Variants in MAP7 observed in about 807,000 individuals in gnomAD.
The protein encoded by MAP7 is microtubule associated protein 7.
MAP7 carries 52 observed loss-of-function variants against 94.8 expected under a neutral mutation model. The observed-to-expected ratio is 0.55, with a 90% CI of 0.44 to 0.69. The LOEUF (loss-of-function observed/expected upper bound fraction) is 0.69. Ranked by LOEUF, MAP7 falls within the 30% of genes least tolerant of loss-of-function variation. The pLI is 0.00. For missense variants in MAP7, 940 were observed against 964.6 expected (o/e 0.97, Z 0.34); for synonymous variants, 350 against 357.0 (o/e 0.98, Z 0.22).
chr6:136,484,825 A>C (rs1030689651), intron 1 of MAP7, among the ~76,000 whole-genome samples: 1 of 152,138 alleles, frequency 6.6e-6, no homozygotes, highest in Non-Finnish European at 1.5e-5. Flanking sequence ...TCAGCCTCCC[A>C]GTTAGGATTA....
chr6:136,469,678 T>C (rs1477226581), intron 1 of MAP7, among the ~76,000 whole-genome samples: 1 of 152,140 alleles, frequency 6.6e-6, no homozygotes, highest in Admixed American at 6.5e-5. Context: ...GAGCCACTGC[T>C]CCTGGCTTGG....
chr6:136,507,488 A>G (rs1205211052), intron 1 of MAP7, among the ~76,000 whole-genome samples: 1 of 151,738 alleles, frequency 6.6e-6, no homozygotes, highest in Admixed American at 6.5e-5. Flanking sequence ...AAAAAAAAAA[A>G]AAAAGAAAAA....
chr6:136,536,483 A>C (rs1828898407), intron 1 of MAP7, among the ~76,000 whole-genome samples: 1 of 152,198 alleles, frequency 6.6e-6, no homozygotes, highest in African/African-American at 2.4e-5. Context: ...AAACTTCCTA[A>C]AACACCCCAA....
At chr6:136,403,931 A>G (rs1290044248) in intron 3 of MAP7, among the ~76,000 whole-genome samples, 1 of 152,228 alleles carries the variant, frequency 6.6e-6, no homozygotes, top group East Asian at 1.9e-4. Flanking sequence ...GCTTTTGTAC[A>G]CTATATTCAC....
chr6:136,549,301 T>C (rs1015069066), intron 1 of MAP7, among the ~76,000 whole-genome samples: 3 of 152,158 alleles, frequency 2.0e-5, no homozygotes, highest in Admixed American at 2.0e-4. Context: ...AGAATTGAAT[T>C]TCTTTTTAAA....
intron 1 of MAP7, among the ~76,000 whole-genome samples, chr6:136,529,535 G>C (rs1256412553): frequency 6.6e-6 from 1 of 152,152 alleles, no homozygotes; most frequent in Non-Finnish European, 1.5e-5. Context: ...AAATGGGCAT[G>C]CAGCCCTCCA....
At chr6:136,377,393 A>G (rs914582137) in intron 7 of MAP7, among the ~76,000 whole-genome samples, 9 of 152,246 alleles carry the variant, frequency 5.9e-5, no homozygotes. Context: ...TCCCAAGTCC[A>G]TATATTAGCA....
In MAP7 at chr6:136,362,639, G is replaced by A. The variant is rs945027133; in HGVS notation, c.1337C>T (p.Ala446Val). 1.2e-5 allele frequency: 19 copies of A among 1,608,782 alleles called. No individual in the cohort carries two copies. The highest frequency in any genetic ancestry group is 1.5e-5 in the Non-Finnish European group (18 of 1,177,808). Residue 446 changes from alanine to valine, a missense_variant, in exon 11 of 18, where the codon GCC becomes GTC. Coordinates refer to ENST00000354570, the MANE Select transcript of MAP7 (RefSeq NM_003980.6). ...APAPASAPAP[A>V]PVPTPAMVSA... ...GACCATGGCTGGGGTGGGGACCGGG[G>A]CTGGAGCTGGGGCCGAGGCTGGAGC...
intron 3 of MAP7, among the ~76,000 whole-genome samples, chr6:136,401,303 G>A (rs960241465): frequency 1.4e-4 from 21 of 152,218 alleles, no homozygotes; most frequent in African/African-American, 5.1e-4. Flanking sequence ...AGTGAGCTAT[G>A]ATTGCACCAC....
intron 8 of MAP7, among the ~76,000 whole-genome samples, chr6:136,370,742 G>T (rs886981213): frequency 1.3e-5 from 2 of 152,104 alleles, no homozygotes; most frequent in Non-Finnish European, 2.9e-5. Flanking sequence ...AACAGTGGCT[G>T]CCAGGGCCTG....
chr6:136,451,123 T>C (rs1800981839), intron 1 of MAP7, among the ~76,000 whole-genome samples: 1 of 152,188 alleles, frequency 6.6e-6, no homozygotes. Flanking sequence ...AACTAGAAAC[T>C]CTTATCAATG....
At chr6:136,367,667 T>C (rs919469463) in intron 8 of MAP7, among the ~76,000 whole-genome samples, 7 of 152,220 alleles carry the variant, frequency 4.6e-5, no homozygotes, top group Non-Finnish European at 1.0e-4. Context: ...CTTCACAAGG[T>C]GTGTGCCAGC....
At chr6:136,414,581 G>A (rs978703150) in intron 2 of MAP7, among the ~76,000 whole-genome samples, 1 of 151,960 alleles carries the variant, frequency 6.6e-6, no homozygotes, top group Non-Finnish European at 1.5e-5. Context: ...TTAAAAGAAA[G>A]ACCTTTAACA....
At chr6:136,361,691 A>C (rs1792836466) in intron 11 of MAP7, among the ~76,000 whole-genome samples, 1 of 152,224 alleles carries the variant, frequency 6.6e-6, no homozygotes, top group South Asian at 2.1e-4. Context: ...TCGTTTGAAG[A>C]ACAATTATAT....
In MAP7 at chr6:136,345,849, A is replaced by C. The variant is rs565798862; in HGVS notation, c.2239+7T>G. The C allele has an allele frequency of 8.7e-6, 14 of 1,612,680 alleles. No individual in the cohort carries two copies. The African/African-American group carries it at 1.5e-4, about 17-fold the overall frequency. ...TGACTACAGAAGGGAGTTGGAGGCA[A>C]GCTTACCTGCAGTCTGCTGTGTCTG... On this transcript the variant is annotated splice_region_variant and intron_variant, in intron 17 of 17. Coordinates refer to ENST00000354570, the MANE Select transcript of MAP7 (RefSeq NM_003980.6).
At chr6:136,541,404 C>A (rs1393700820) in intron 1 of MAP7, among the ~76,000 whole-genome samples, 2 of 152,124 alleles carry the variant, frequency 1.3e-5, no homozygotes, top group Non-Finnish European at 1.5e-5. Context: ...AAGGATAGTT[C>A]TCTTTACTAG....
chr6:136,460,422 T>C (rs1804809228), intron 1 of MAP7, among the ~76,000 whole-genome samples: 1 of 152,176 alleles, frequency 6.6e-6, no homozygotes, highest in Non-Finnish European at 1.5e-5. Flanking sequence ...ATCATTAAAA[T>C]AAATACATTT....
intron 16 of MAP7, 60 bp downstream of exon 16, chr6:136,356,632 G>T: frequency 7.6e-7 from 1 of 1,322,180 alleles, no homozygotes; most frequent in Non-Finnish European, 1.1e-6. Flanking sequence ...TGAAATTCTG[G>T]TGGAGCTGGT....
chr6:136,380,161 G>A (rs1262722931), intron 6 of MAP7, among the ~76,000 whole-genome samples: 1 of 152,122 alleles, frequency 6.6e-6, no homozygotes, highest in Non-Finnish European at 1.5e-5. Context: ...TTCCATTATA[G>A]GCCACCCAGA....
Sources: gnomAD v4.1 joint callset for allele counts (sites outside exome capture counted in the v4.1 genomes callset) on GRCh38, gnomAD v4.1.1 for gene constraint, MANE v1.5 for transcripts, NCBI Gene and HGNC (gene_info 2026-07-23, HGNC 2026-07-21) for gene names.